Variants in DENND1A observed in about 807,000 individuals in gnomAD.
DENND1A encodes DENN domain-containing protein 1A.
A neutral mutation model predicts 113.7 loss-of-function variants in DENND1A; 51 were observed. The ratio of observed to expected loss-of-function variants is 0.45; its 90% CI spans 0.36 to 0.57. The LOEUF (loss-of-function observed/expected upper bound fraction) is 0.57, where lower values mean the gene tolerates loss of function less well. Ranked by LOEUF, DENND1A falls within the 20% of genes least tolerant of loss-of-function variation. The pLI, the probability that DENND1A is intolerant of heterozygous loss-of-function variation, is 0.00. For missense variants in DENND1A, 1,258 were observed against 1,395.9 expected (o/e 0.90, Z 1.57); for synonymous variants, 565 against 570.8 (o/e 0.99, Z 0.14).
At chr9:123,641,974 C>T (rs1423080432) in intron 9 of DENND1A, among the ~76,000 whole-genome samples, 5 of 152,130 alleles carry the variant, frequency 3.3e-5, no homozygotes, top group South Asian at 2.1e-4. Context: ...CAATCTGAAT[C>T]CTGTGCCTCA....
At chr9:123,562,499 A>G (rs2057816277) in intron 12 of DENND1A, among the ~76,000 whole-genome samples, 1 of 152,226 alleles carries the variant, frequency 6.6e-6, no homozygotes, top group African/African-American at 2.4e-5. Flanking sequence ...CTGTCGAGTG[A>G]GGAAAAACAT....
chr9:123,445,165 C>T lies in DENND1A; in HGVS notation c.1357-4674G>A, dbSNP rs77874383. Among the ~76,000 whole-genome samples the T allele has an allele frequency of 3.8e-3, 574 of 152,338 alleles. 5 individuals carry two copies. The highest frequency in any genetic ancestry group is 0.024 in the Middle Eastern group (7 of 294). On this transcript the variant is annotated intron_variant, in intron 18 of 23. Transcript: ENST00000394215. ...ATACGGTAAGTCTCTGGACATGAGTCTCCATGAGAAATCGGGGAGGTAAGG... is the reference window on the plus strand; with the variant it reads ...ATACGGTAAGTCTCTGGACATGAGTTTCCATGAGAAATCGGGGAGGTAAGG...
intron 13 of DENND1A, among the ~76,000 whole-genome samples, chr9:123,542,974 C>G (rs1401001690): frequency 6.6e-6 from 1 of 152,214 alleles, no homozygotes; most frequent in Non-Finnish European, 1.5e-5. Flanking sequence ...ACTGATTAAG[C>G]TGCTGGACCT....
In DENND1A at chr9:123,381,470, C is replaced by A; in HGVS notation, c.3175G>T (p.Val1059Leu). Residue 1059 changes from valine (V) to leucine (L), a missense_variant, in exon 24 of 24, where the codon GTG becomes TTG. By Grantham distance (32) the Val-to-Leu change is conservative. Transcript: ENST00000394215. The surrounding 1 kb of genome is among the most constrained non-coding windows in gnomAD (Gnocchi z 4.7). ...TCCCACTGCTTCCTGAGCTGCTCCA[C>A]CGAGTCTGGGGCCGGGGCCAGGGCC... The part of the protein sequence containing the change: ...SPALAPAPDS[V>L]EQLRKQWETF... 38 of 1,613,534 alleles carry A rather than the reference C, an allele frequency of 2.4e-5. No homozygotes were observed. Among genetic ancestry groups the A allele is most frequent in the Non-Finnish European group, 3.2e-5 (38 of 1,179,978 alleles).
chr9:123,739,998 A>T (rs1488433488), intron 5 of DENND1A, among the ~76,000 whole-genome samples: 1 of 152,166 alleles, frequency 6.6e-6, no homozygotes, highest in Non-Finnish European at 1.5e-5. Context: ...TAATGTACAC[A>T]GAGGTTATAA....
chr9:123,872,511 T>G (rs1018743925), intron 2 of DENND1A, among the ~76,000 whole-genome samples: 1 of 152,106 alleles, frequency 6.6e-6, no homozygotes, highest in Non-Finnish European at 1.5e-5. Flanking sequence ...ATATTTTATT[T>G]ACACACACAT....
intron 6 of DENND1A, among the ~76,000 whole-genome samples, chr9:123,674,875 G>A (rs2063973927): frequency 1.3e-5 from 2 of 150,200 alleles, no homozygotes; most frequent in Non-Finnish European, 3.0e-5. Context: ...AACATATGGA[G>A]GGAAAAAATG....
chr9:123,852,432 T>C (rs1843521643), intron 2 of DENND1A, among the ~76,000 whole-genome samples: 1 of 152,286 alleles, frequency 6.6e-6, no homozygotes, highest in East Asian at 1.9e-4. Flanking sequence ...TGTCTCTATT[T>C]ATCCCAAATA....
rs181551870 is a variant in DENND1A, at chr9:123,557,161, C to G, written c.993+409G>C. On this transcript the variant is annotated intron_variant, in intron 13 of 23. Coordinates refer to ENST00000394215, the MANE Select transcript of DENND1A (RefSeq NM_001352964.2). ...AGTGGGAAAGCAGGGGCTCCGGGGC[C>G]ATCTGGCTTTTCCGGGCTAAGTTGT... Among the ~76,000 whole-genome samples the G allele has an allele frequency of 3.2e-3, 487 of 152,302 alleles. 6 individuals carry two copies. The highest frequency in any genetic ancestry group is 2.7e-3 in the Non-Finnish European group (187 of 68,020).
intron 1 of DENND1A, among the ~76,000 whole-genome samples, chr9:123,924,225 G>A (rs1017904201): frequency 6.6e-6 from 1 of 152,206 alleles, no homozygotes; most frequent in South Asian, 2.1e-4. Context: ...CAAATCTATA[G>A]CAAGTAGATT....
chr9:123,808,222 G>A (rs761548205), intron 2 of DENND1A, among the ~76,000 whole-genome samples: 6 of 151,752 alleles, frequency 4.0e-5, no homozygotes, highest in East Asian at 1.9e-4. Context: ...GCAAAACTCC[G>A]TCTCCAACAA....
intron 2 of DENND1A, among the ~76,000 whole-genome samples, chr9:123,799,971 A>G (rs996644908): frequency 6.6e-6 from 1 of 152,252 alleles, no homozygotes; most frequent in Non-Finnish European, 1.5e-5. Flanking sequence ...ACAGATGTAT[A>G]GGTGTGCCTC....
At chr9:123,884,953 G>A (rs1414582688) in intron 1 of DENND1A, among the ~76,000 whole-genome samples, 1 of 151,340 alleles carries the variant, frequency 6.6e-6, no homozygotes, top group East Asian at 1.9e-4. Context: ...AAGTATTATT[G>A]TTCAACAACC....
At chr9:123,785,193 T>C (rs1322426177) in intron 3 of DENND1A, among the ~76,000 whole-genome samples, 1 of 151,834 alleles carries the variant, frequency 6.6e-6, no homozygotes, top group Non-Finnish European at 1.5e-5. Flanking sequence ...GATTTTTTTT[T>C]TAAATTAGGC....
chr9:123,739,278 G>A (rs187267063), intron 5 of DENND1A, among the ~76,000 whole-genome samples: 32 of 152,152 alleles, frequency 2.1e-4, no homozygotes, highest in Middle Eastern at 3.4e-3. Context: ...ATAAGGCCTC[G>A]CACAAAAAGT....
At chr9:123,765,735 G>C (rs1828691059) in intron 4 of DENND1A, among the ~76,000 whole-genome samples, 1 of 152,146 alleles carries the variant, frequency 6.6e-6, no homozygotes, top group Non-Finnish European at 1.5e-5. Flanking sequence ...ATATGGAATG[G>C]TACAAGTCTT....
At chr9:123,853,007 C>T (rs985901528) in intron 2 of DENND1A, among the ~76,000 whole-genome samples, 3 of 151,932 alleles carry the variant, frequency 2.0e-5, no homozygotes, top group Non-Finnish European at 4.4e-5. Flanking sequence ...CAACCTCCAC[C>T]GCCTGGGTTA....
At chr9:123,730,329 G>A (rs565897710) in intron 5 of DENND1A, among the ~76,000 whole-genome samples, 1 of 152,200 alleles carries the variant, frequency 6.6e-6, no homozygotes, top group Non-Finnish European at 1.5e-5. Flanking sequence ...GCAACCTACA[G>A]AATGGGAGAA....
chr9:123,489,231 A>T (rs191890996), intron 13 of DENND1A, among the ~76,000 whole-genome samples: 1 of 152,358 alleles, frequency 6.6e-6, no homozygotes, highest in Non-Finnish European at 1.5e-5. Flanking sequence ...TAGAAGTTCT[A>T]GTCCTATTCC....
Sources: allele counts gnomAD v4.1 joint callset (sites outside exome capture counted in the v4.1 genomes callset), GRCh38; gene constraint gnomAD v4.1.1; non-coding constraint Gnocchi (gnomAD v3.1); transcripts MANE v1.5; gene names NCBI Gene and HGNC (gene_info 2026-07-23, HGNC 2026-07-21).